TEAD1: variants seen among roughly 807,000 people sequenced by gnomAD.
The protein encoded by TEAD1 is transcriptional enhancer factor TEF-1.
Under a neutral mutation model 54.9 loss-of-function variants are expected in TEAD1, and 9 were observed. That is an observed-to-expected ratio of 0.16 (90% CI 0.10 to 0.29). TEAD1 has a LOEUF of 0.29. Among genes scored for constraint, TEAD1 ranks in the 10% least tolerant of loss-of-function variants. TEAD1 has a pLI of 1.00. For synonymous variants in TEAD1, 200 were observed against 187.8 expected, an observed-to-expected ratio of 1.07 and a Z score of -0.53; for missense variants, 387 against 535.9, an observed-to-expected ratio of 0.72 and a Z score of 2.74.
intron 3 of TEAD1, among the ~76,000 whole-genome samples, chr11:12,860,988 CA>C (rs1259517569): frequency 6.6e-6 from 1 of 152,202 alleles, no homozygotes; most frequent in Non-Finnish European, 1.5e-5. Context: ...GCCACAGCAG[CA>C]AGCTTCAGAC....
At chr11:12,703,486 T>TA (rs1943746212) in intron 2 of TEAD1, among the ~76,000 whole-genome samples, 1 of 152,216 alleles carries the variant, frequency 6.6e-6, no homozygotes, top group Non-Finnish European at 1.5e-5. Context: ...TATATTTTCT[T>TA]AAAGCACCTC....
chr11:12,675,921 C>T (rs894673507), intron 2 of TEAD1, among the ~76,000 whole-genome samples: 1 of 152,142 alleles, frequency 6.6e-6, no homozygotes, highest in East Asian at 1.9e-4. Context: ...ATTTATGAAA[C>T]AATGAAATAC....
chr11:12,864,978 T>A, intron 5 of TEAD1, 78 bp downstream of exon 5: 1 of 1,494,986 alleles, frequency 6.7e-7, no homozygotes, highest in East Asian at 2.3e-5. Flanking sequence ...GGTGAATGCC[T>A]GGTGCTGGGA....
At chr11:12,757,023 C>T (rs889058556) in intron 2 of TEAD1, among the ~76,000 whole-genome samples, 3 of 152,182 alleles carry the variant, frequency 2.0e-5, no homozygotes, top group Non-Finnish European at 4.4e-5. Context: ...ATTACAGTGA[C>T]CTTCAAGCCA....
At chr11:12,721,383 A>G (rs1944195037) in intron 2 of TEAD1, among the ~76,000 whole-genome samples, 1 of 152,220 alleles carries the variant, frequency 6.6e-6, no homozygotes, top group African/African-American at 2.4e-5. Context: ...ATGAGGGCAC[A>G]GTATCTCCAG....
chr11:12,810,971 A>T, intron 3 of TEAD1, among the ~76,000 whole-genome samples: 1 of 152,212 alleles, frequency 6.6e-6, no homozygotes, highest in East Asian at 1.9e-4. Flanking sequence ...TATAGAGGAC[A>T]TTCAGCATCC....
At chr11:12,838,374 C>G (rs1404809557) in intron 3 of TEAD1, among the ~76,000 whole-genome samples, 1 of 152,164 alleles carries the variant, frequency 6.6e-6, no homozygotes, top group Non-Finnish European at 1.5e-5. Context: ...AGAAAACCAA[C>G]CTTTACTTTT....
chr11:12,916,029 G>C (rs1345515866), intron 10 of TEAD1, among the ~76,000 whole-genome samples: 1 of 152,104 alleles, frequency 6.6e-6, no homozygotes, highest in Non-Finnish European at 1.5e-5. Context: ...TTCTGTTGCT[G>C]TCCGCTTCCT....
intron 11 of TEAD1, among the ~76,000 whole-genome samples, chr11:12,929,194 G>T (rs952846517): frequency 1.1e-5 from 1 of 87,060 alleles, no homozygotes; most frequent in Non-Finnish European, 2.6e-5. Flanking sequence ...GTGTGTGTGT[G>T]TGTGTGTCTG....
rs1946985090 is a variant in TEAD1, at chr11:12,839,763, A to G, written c.203-22487A>G. On this transcript the variant is annotated intron_variant, in intron 3 of 12. Coordinates refer to ENST00000527636, the MANE Select transcript of TEAD1 (RefSeq NM_021961.6). Reference sequence around the variant, plus strand: ...TTCAGTTGGATATTAAAAGATGAATAGAAATTTGCAGGCAGCAACAAGAGT... The same window carrying G: ...TTCAGTTGGATATTAAAAGATGAATGGAAATTTGCAGGCAGCAACAAGAGT... 2.0e-5 allele frequency among the ~76,000 whole-genome samples: 3 copies of G among 152,278 alleles called. No homozygotes were observed. In the South Asian group the frequency reaches 6.2e-4, roughly 32 times the overall value.
chr11:12,693,449 C>T (rs955716140), intron 2 of TEAD1, among the ~76,000 whole-genome samples: 1 of 152,216 alleles, frequency 6.6e-6, no homozygotes, highest in African/African-American at 2.4e-5. Flanking sequence ...TATTTAGAGT[C>T]ACAACCCCAG....
intron 5 of TEAD1, among the ~76,000 whole-genome samples, chr11:12,874,540 T>C (rs1466975706): frequency 6.6e-6 from 1 of 152,206 alleles, no homozygotes; most frequent in Non-Finnish European, 1.5e-5. Context: ...TGTTTTTACT[T>C]AGAACAATAA....
intron 3 of TEAD1, among the ~76,000 whole-genome samples, chr11:12,832,580 A>G (rs1202416789): frequency 6.6e-6 from 1 of 152,222 alleles, no homozygotes; most frequent in Admixed American, 6.5e-5. Context: ...CACTTCAGTC[A>G]TTTTTAAAGA....
intron 8 of TEAD1, among the ~76,000 whole-genome samples, chr11:12,882,429 G>C (rs61878796): frequency 1.3e-5 from 2 of 152,136 alleles, no homozygotes; most frequent in East Asian, 3.9e-4. Context: ...CCCACAAGGC[G>C]CACCCCCCAT....
chr11:12,869,670 T>C (rs1302543951), intron 5 of TEAD1, among the ~76,000 whole-genome samples: 3 of 152,160 alleles, frequency 2.0e-5, no homozygotes, highest in Non-Finnish European at 4.4e-5. Context: ...TCATTTTCAT[T>C]ATATAAGTTT....
intron 2 of TEAD1, among the ~76,000 whole-genome samples, chr11:12,724,449 C>A (rs1017469913): frequency 1.3e-5 from 2 of 152,220 alleles, no homozygotes; most frequent in South Asian, 2.1e-4. Flanking sequence ...CGTATGCCAG[C>A]TAATGTAGTG....
At chr11:12,926,591 T>C (rs967955280) in intron 11 of TEAD1, among the ~76,000 whole-genome samples, 1 of 152,104 alleles carries the variant, frequency 6.6e-6, no homozygotes, top group African/African-American at 2.4e-5. Flanking sequence ...GACTAGAACT[T>C]GGATGACAGG....
At chr11:12,778,844 T>C (rs867009868) in intron 3 of TEAD1, among the ~76,000 whole-genome samples, 1 of 152,306 alleles carries the variant, frequency 6.6e-6, no homozygotes, top group Middle Eastern at 3.4e-3. Context: ...CAGGATGTTT[T>C]CTGTTAGATT....
intron 2 of TEAD1, among the ~76,000 whole-genome samples, chr11:12,695,541 G>T (rs1236595495): frequency 6.6e-6 from 1 of 152,050 alleles, no homozygotes; most frequent in African/African-American, 2.4e-5. Context: ...TCGGGGCCAG[G>T]GATTGATTAA....
Sources: gnomAD v4.1 joint callset for allele counts (sites outside exome capture counted in the v4.1 genomes callset) on GRCh38, gnomAD v4.1.1 for gene constraint, MANE v1.5 for transcripts, NCBI Gene and HGNC (gene_info 2026-07-23, HGNC 2026-07-21) for gene names.